The following CCDC149 variants were observed in gnomAD, a reference collection of about 807,000 sequenced individuals.
CCDC149 encodes coiled-coil domain containing 149.
CCDC149 carries 45 observed loss-of-function variants against 59.9 expected under a neutral mutation model. That is an observed-to-expected ratio of 0.75 (90% CI 0.59 to 0.96). The LOEUF is 0.96. Ranked by LOEUF, CCDC149 falls within the 40% of genes least tolerant of loss-of-function variation. The probability of loss-of-function intolerance (pLI) is 0.00; values close to 1 mark genes in which losing one functional copy is unlikely to be tolerated. For synonymous variants in CCDC149, 245 were observed against 260.6 expected (o/e 0.94, Z 0.58); for missense variants, 584 against 664.7 (o/e 0.88, Z 1.33).
intron 3 of CCDC149, among the ~76,000 whole-genome samples, chr4:24,869,632 T>C (rs553465607): frequency 2.3e-4 from 35 of 152,276 alleles, no homozygotes; most frequent in African/African-American, 6.5e-4. Flanking sequence ...GCGAGAAACA[T>C]TGATGGATGC....
Position 24,876,647 on chromosome 4 carries a change from G to C in CCDC149, c.114C>G (p.Ile38Met). 6.2e-7 allele frequency: 1 copy of C among 1,613,998 alleles called. No homozygotes were observed. Among genetic ancestry groups the C allele is most frequent in the Non-Finnish European group, 8.5e-7 (1 of 1,179,974 alleles). ...GACAGGTGTCCAGCTCCTTGGAGAGGATCAGCAGGGCTTCCTTCTTACTCT... is the reference window on the plus strand; with the variant it reads ...GACAGGTGTCCAGCTCCTTGGAGAGCATCAGCAGGGCTTCCTTCTTACTCT... The change falls in exon 2 of 13, where the codon ATC (isoleucine) becomes ATG (methionine). Residue 38 changes from isoleucine (I) to methionine (M), a missense_variant. Coordinates refer to ENST00000635206, the MANE Select transcript of CCDC149 (RefSeq NM_001330643.2).
intron 1 of CCDC149, among the ~76,000 whole-genome samples, chr4:24,943,650 T>G (rs1279729584): frequency 6.6e-6 from 1 of 151,750 alleles, no homozygotes; most frequent in African/African-American, 2.4e-5. Context: ...TGGGAGAAAA[T>G]TTTTGCAATC....
In CCDC149 at chr4:24,946,993, G is replaced by A. The variant is rs571130262; in HGVS notation, c.-65+33076C>T. ...CACTTTACAATGCTTTCCTAAAGTC[G>A]ATTTCAATAGCTTCCTCTCTGCCCA... On this transcript the variant is annotated intron_variant, in intron 1 of 12. Coordinates refer to the CCDC149 transcript ENST00000389609. Among the ~76,000 whole-genome samples, 8 of 152,210 alleles carry A rather than the reference G, an allele frequency of 5.3e-5. No individual in the cohort carries two copies. The South Asian group carries it at 1.0e-3, about 20-fold the overall frequency.
chr4:24,962,982 A>G (rs1017089206), intron 1 of CCDC149, among the ~76,000 whole-genome samples: 5 of 151,908 alleles, frequency 3.3e-5, no homozygotes, highest in Admixed American at 6.6e-5. Context: ...AAACTTAAAA[A>G]AAAAAGAAAA....
chr4:24,867,121 T>C (rs979247682), intron 3 of CCDC149, among the ~76,000 whole-genome samples: 1 of 152,222 alleles, frequency 6.6e-6, no homozygotes, highest in African/African-American at 2.4e-5. Context: ...CTGCTATGTG[T>C]CCTTGGATAA....
intron 11 of CCDC149, among the ~76,000 whole-genome samples, 169 bp downstream of exon 11, chr4:24,820,886 T>A (rs1012212065): frequency 1.3e-5 from 2 of 152,216 alleles, no homozygotes; most frequent in African/African-American, 4.8e-5. Flanking sequence ...GCTAATGTCA[T>A]CCTTTAATAT....
Position 24,808,334 on chromosome 4 carries a change from T to C in CCDC149, c.*55A>G, listed in dbSNP as rs1462042595. On this transcript the variant is annotated 3_prime_UTR_variant, in exon 13 of 13. Coordinates refer to ENST00000635206, the MANE Select transcript of CCDC149 (RefSeq NM_001330643.2). ...GTGAGCGCACCATTCCGATGCTTCATTCTTGACCCTCTCTGGGGCTTTCAA... is the reference window on the plus strand; with the variant it reads ...GTGAGCGCACCATTCCGATGCTTCACTCTTGACCCTCTCTGGGGCTTTCAA... The C allele has an allele frequency of 2.1e-6, 3 of 1,404,778 alleles. No individual in the cohort carries two copies. Among genetic ancestry groups the C allele is most frequent in the Non-Finnish European group, 2.8e-6 (3 of 1,071,714 alleles). 87.0% of individuals were successfully genotyped at this position (1,404,778 alleles called of 1,614,324 possible). A position where few individuals can be genotyped will look rare whatever the true frequency, so the allele number is the denominator to read the frequency against.
At chr4:24,966,824 T>C (rs545282013) in intron 1 of CCDC149, among the ~76,000 whole-genome samples, 1 of 152,226 alleles carries the variant, frequency 6.6e-6, no homozygotes, top group African/African-American at 2.4e-5. Context: ...CCTTTTCTGT[T>C]TGATTAGGGA....
chr4:24,863,110 T>C (rs561662117), intron 3 of CCDC149, among the ~76,000 whole-genome samples: 14 of 152,144 alleles, frequency 9.2e-5, no homozygotes, highest in Admixed American at 1.3e-4. Flanking sequence ...CTGACCAACA[T>C]GGCAAAACCC....
rs147677938 is a variant in CCDC149 at position 24,971,047 on chromosome 4, G to A, written c.-65+9022C>T. 4.6e-5 allele frequency among the ~76,000 whole-genome samples: 7 copies of A among 152,318 alleles called. No homozygotes were observed. The East Asian group carries it at 1.4e-3, about 29-fold the overall frequency. ...TGACATAATAACTGCTGCCCAAGGAGGCACCTGTGCCCTTTTAGGAACACA... is the reference window on the plus strand; with the variant it reads ...TGACATAATAACTGCTGCCCAAGGAAGCACCTGTGCCCTTTTAGGAACACA... On this transcript the variant is annotated intron_variant, in intron 1 of 12. Transcript: ENST00000389609.
At chr4:24,920,837 AT>A (rs200394240) in intron 1 of CCDC149, among the ~76,000 whole-genome samples, 3 of 151,702 alleles carry the variant, frequency 2.0e-5, no homozygotes, top group Non-Finnish European at 2.9e-5. Flanking sequence ...CAATACCTGT[AT>A]TTTTTTTTAG....
intron 1 of CCDC149, among the ~76,000 whole-genome samples, chr4:24,884,831 C>G (rs1720061643): frequency 6.6e-6 from 1 of 152,170 alleles, no homozygotes; most frequent in South Asian, 2.1e-4. Context: ...ATCATTACTA[C>G]TATTGTTATC....
chr4:24,893,977 T>C (rs1720695677), intron 1 of CCDC149, among the ~76,000 whole-genome samples: 1 of 152,150 alleles, frequency 6.6e-6, no homozygotes, highest in Non-Finnish European at 1.5e-5. Context: ...CACTCATTCA[T>C]TCCTTCATTC....
chr4:24,854,260 A>G (rs1413540108), intron 3 of CCDC149, among the ~76,000 whole-genome samples: 1 of 152,168 alleles, frequency 6.6e-6, no homozygotes, highest in Non-Finnish European at 1.5e-5. Context: ...GACTTGCCCT[A>G]ATTCTCACCT....
At chr4:24,927,009 C>T (rs1722451049) in intron 1 of CCDC149, among the ~76,000 whole-genome samples, 2 of 152,142 alleles carry the variant, frequency 1.3e-5, no homozygotes, top group African/African-American at 4.8e-5. Flanking sequence ...GCCCTTAAGA[C>T]CCCCAGCCTC....
chr4:24,949,550 C>A (rs546049172), intron 1 of CCDC149, among the ~76,000 whole-genome samples: 96 of 152,244 alleles, frequency 6.3e-4, no homozygotes, highest in African/African-American at 2.3e-3. Context: ...CTCTACTGAC[C>A]CAGATGCTGT....
Position 24,876,588 on chromosome 4 carries a change from T to C in CCDC149, c.173A>G (p.Asn58Ser), listed in dbSNP as rs765682853. Residue 58 changes from asparagine (N) to serine (S), a missense_variant, in exon 2 of 13, where the codon AAT becomes AGT. Coordinates refer to ENST00000635206, the MANE Select transcript of CCDC149 (RefSeq NM_001330643.2). ...TGACTGGTGGCGCTCCCGGAGCTGA[T>C]TGGCCATGAGTTTGTACTGGTCCCT... 4.3e-6 allele frequency: 7 copies of C among 1,614,056 alleles called. No individual in the cohort carries two copies. The highest frequency in any genetic ancestry group is 1.1e-5 in the South Asian group (1 of 91,086).
At chr4:24,900,304 C>T (rs1339597608) in intron 1 of CCDC149, among the ~76,000 whole-genome samples, 1 of 152,230 alleles carries the variant, frequency 6.6e-6, no homozygotes, top group South Asian at 2.1e-4. Context: ...TTCACTCCTC[C>T]TTCACATCAA....
intron 1 of CCDC149, among the ~76,000 whole-genome samples, chr4:24,911,670 T>C (rs1721878183): frequency 6.6e-6 from 1 of 152,194 alleles, no homozygotes; most frequent in Non-Finnish European, 1.5e-5. Flanking sequence ...TTTCAACTAC[T>C]AGACCAATGC....
Sources: gnomAD v4.1 joint callset for allele counts (sites outside exome capture counted in the v4.1 genomes callset) on GRCh38, gnomAD v4.1.1 for gene constraint, MANE v1.5 for transcripts, NCBI Gene and HGNC (gene_info 2026-07-23, HGNC 2026-07-21) for gene names.